Variants in CASQ2 observed in about 807,000 individuals in gnomAD.
CASQ2 encodes the protein calsequestrin-2.
Under a neutral mutation model 46.5 loss-of-function variants are expected in CASQ2, and 49 were observed. The observed-to-expected ratio is 1.05, with a 90% confidence interval of 0.84 to 1.34. CASQ2 has a LOEUF of 1.34. CASQ2 is among the 40% of genes most tolerant of loss of function. CASQ2 has a pLI of 0.00. For missense variants in CASQ2, 486 were observed against 481.3 expected, an observed-to-expected ratio of 1.01 and a Z score of -0.09; for synonymous variants, 174 against 168.5, an observed-to-expected ratio of 1.03 and a Z score of -0.25.
intron 9 of CASQ2, among the ~76,000 whole-genome samples, chr1:115,703,231 A>C (rs779360116): frequency 1.3e-5 from 2 of 152,220 alleles, no homozygotes; most frequent in South Asian, 4.1e-4. Flanking sequence ...GTAAGAGAGA[A>C]AATTATAGAG....
intron 1 of CASQ2, among the ~76,000 whole-genome samples, chr1:115,747,661 T>G (rs1477824973): frequency 6.6e-6 from 1 of 152,234 alleles, no homozygotes; most frequent in Non-Finnish European, 1.5e-5. Context: ...CAGCATTGTA[T>G]AGTTTTCAGC....
chr1:115,717,817 A>G, intron 8 of CASQ2, 23 bp downstream of exon 8: 1 of 1,566,012 alleles, frequency 6.4e-7, no homozygotes, highest in Non-Finnish European at 8.8e-7. Context: ...GAGCTGTAAA[A>G]GAGCAGGTTG....
chr1:115,765,078 A>G (rs1649086970), intron 1 of CASQ2, among the ~76,000 whole-genome samples: 1 of 152,082 alleles, frequency 6.6e-6, no homozygotes, highest in South Asian at 2.1e-4. Context: ...TTCACAAACC[A>G]ACTCTGGCCC....
At chr1:115,705,786 C>G (rs1032035845) in intron 8 of CASQ2, among the ~76,000 whole-genome samples, 6 of 152,164 alleles carry the variant, frequency 3.9e-5, no homozygotes, top group Non-Finnish European at 1.5e-5. Flanking sequence ...GTTGGTTTCA[C>G]AGCTCTGAGA....
chr1:115,734,590 G>A (rs1557795561), intron 4 of CASQ2, among the ~76,000 whole-genome samples: 1 of 152,180 alleles, frequency 6.6e-6, no homozygotes, highest in Admixed American at 6.5e-5. Flanking sequence ...GTCATCTCTA[G>A]GCTTTCCCTG....
At chr1:115,750,669 T>C (rs1648549936) in intron 1 of CASQ2, among the ~76,000 whole-genome samples, 1 of 152,096 alleles carries the variant, frequency 6.6e-6, no homozygotes, top group South Asian at 2.1e-4. Flanking sequence ...CCAACACACT[T>C]GGCTAATTGT....
intron 8 of CASQ2, among the ~76,000 whole-genome samples, chr1:115,710,959 C>T (rs917002849): frequency 2.6e-5 from 4 of 152,130 alleles, no homozygotes; most frequent in Non-Finnish European, 5.9e-5. Flanking sequence ...GAGCCTTCAC[C>T]AAGCCCTAGG....
At position 115,768,584 on chromosome 1, in the gene CASQ2, A is replaced by G. The variant is rs769505662; in HGVS notation, c.-43T>C. 7 of 1,230,552 alleles carry G rather than the reference A, an allele frequency of 5.7e-6. No homozygotes were observed. The South Asian group carries it at 8.6e-5, about 15-fold the overall frequency. 76.2% of individuals were successfully genotyped at this position (1,230,552 alleles called of 1,614,324 possible). On this transcript the variant is annotated 5_prime_UTR_variant, in exon 1 of 11. Coordinates refer to ENST00000261448, the MANE Select transcript of CASQ2 (RefSeq NM_001232.4). ...TCTCGTTCCCAAATATGCTGTGTGC[A>G]GAATAGAGGACAGAAGACTGTTAGA...
At chr1:115,751,998 T>C (rs1283813264) in intron 1 of CASQ2, among the ~76,000 whole-genome samples, 1 of 152,254 alleles carries the variant, frequency 6.6e-6, no homozygotes, top group East Asian at 1.9e-4. Flanking sequence ...CCTTCAGCTG[T>C]GCTCTCAAGC....
In CASQ2 at chr1:115,754,334, T is replaced by C. The variant is rs142566649; in HGVS notation, c.235-9422A>G. Among the ~76,000 whole-genome samples, 8 of 152,260 alleles carry C rather than the reference T, an allele frequency of 5.3e-5. No homozygotes were observed. In the East Asian group the frequency reaches 1.5e-3, roughly 29 times the overall value. On this transcript the variant is annotated intron_variant, in intron 1 of 10. Transcript: ENST00000261448. ...GAGAGAGGCTGTTGATTGTTTTTAT[T>C]GGCATTTTGGACTATCACGTTGGTC...
At chr1:115,747,465 T>C (rs936725584) in intron 1 of CASQ2, among the ~76,000 whole-genome samples, 16 of 152,224 alleles carry the variant, frequency 1.1e-4, no homozygotes, top group African/African-American at 3.4e-4. Context: ...CCTAGTCCTT[T>C]AGCATTTTTG....
Position 115,731,450 on chromosome 1 carries a change from T to C in CASQ2, c.606+1451A>G, listed in dbSNP as rs1041985255. On this transcript the variant is annotated intron_variant, in intron 5 of 10. Coordinates refer to ENST00000261448, the MANE Select transcript of CASQ2 (RefSeq NM_001232.4). ...GTCCATCAGAACCATATGTCAGTAA[T>C]GGATTCAGTTTCGGCTTCTCTGTTC... Among the ~76,000 whole-genome samples, 25 of 152,314 alleles carry C rather than the reference T, an allele frequency of 1.6e-4. No homozygotes were observed. The East Asian group carries it at 2.5e-3, about 15-fold the overall frequency.
At chr1:115,746,679 G>T (rs1648401444) in intron 1 of CASQ2, among the ~76,000 whole-genome samples, 2 of 152,004 alleles carry the variant, frequency 1.3e-5, no homozygotes, top group African/African-American at 4.8e-5. Flanking sequence ...CAACTGGATT[G>T]CTTTTTGGCT....
chr1:115,766,817 T>G (rs10801991), intron 1 of CASQ2, among the ~76,000 whole-genome samples: 48,767 of 151,668 alleles, frequency 0.32, 8,058 homozygotes, highest in East Asian at 0.53. Flanking sequence ...TTTCTGTTCA[T>G]GATTTTGCAT....
rs1649199632 is a variant in CASQ2 at position 115,768,315 on chromosome 1, A to G, written c.227T>C (p.Val76Ala). The stretch of plus-strand genomic sequence containing the variant: ...TGCCCTTTGGTTACTTACCTCAAGC[A>G]CGATTTCTTTCAGTTGGAACTGTTT... ...TQKQFQLKEI[V>A]LELVAQVLEH... is the part of the protein sequence containing the mutation. The change falls in exon 1 of 11, where the codon GTG becomes GCG. Residue 76 changes from valine to alanine, a missense_variant. Physicochemically the swap from Val to Ala is moderately conservative, Grantham distance 64 (BLOSUM62 0). Coordinates refer to ENST00000261448, the MANE Select transcript of CASQ2 (RefSeq NM_001232.4). 1 of 1,610,108 alleles carries G rather than the reference A, an allele frequency of 6.2e-7. No individual in the cohort carries two copies. Among genetic ancestry groups the G allele is most frequent in the Admixed American group, 1.7e-5 (1 of 59,986 alleles).
At chr1:115,727,262 G>T in intron 5 of CASQ2, 140 bp from the exon 6 acceptor site, 1 of 684,806 alleles carries the variant, frequency 1.5e-6, no homozygotes, top group Non-Finnish European at 2.6e-6. Flanking sequence ...ATGTTGAAGT[G>T]ACAGGAACTT....
chr1:115,709,515 T>C (rs1038363912), intron 8 of CASQ2, among the ~76,000 whole-genome samples: 1 of 152,190 alleles, frequency 6.6e-6, no homozygotes, highest in Non-Finnish European at 1.5e-5. Context: ...GAAGTACTAT[T>C]CAGAGATGTG....
At chr1:115,722,645 A>G (rs1409363728) in intron 7 of CASQ2, among the ~76,000 whole-genome samples, 1 of 152,218 alleles carries the variant, frequency 6.6e-6, no homozygotes, top group Non-Finnish European at 1.5e-5. Context: ...AAAACTGAAG[A>G]TAAAGCCACA....
In CASQ2 at chr1:115,731,908, T is replaced by C. The variant is rs1002383866; in HGVS notation, c.606+993A>G. ...GCACATAAAAATTTTTTTGAATTTA[T>C]TATTTTTTATATTTTTATTTTTTGA... On this transcript the variant is annotated intron_variant, in intron 5 of 10. Transcript: ENST00000261448. 3.7e-4 allele frequency among the ~76,000 whole-genome samples: 56 copies of C among 152,284 alleles called. 1 individual carries two copies. Among genetic ancestry groups the C allele is most frequent in the African/African-American group, 1.3e-3 (56 of 41,560 alleles).
Sources: gnomAD v4.1 joint callset for allele counts (sites outside exome capture counted in the v4.1 genomes callset) on GRCh38, gnomAD v4.1.1 for gene constraint, MANE v1.5 for transcripts, NCBI Gene and HGNC (gene_info 2026-07-23, HGNC 2026-07-21) for gene names.